Variants in LCLAT1 observed in about 807,000 individuals in gnomAD.
LCLAT1 encodes lysocardiolipin acyltransferase 1.
LCLAT1 carries 11 observed loss-of-function variants against 30.7 expected under a neutral mutation model. The ratio of observed to expected loss-of-function variants is 0.36; its 90% CI spans 0.23 to 0.59. The LOEUF is 0.59. LCLAT1 is among the 20% of genes least tolerant of loss of function. The pLI, the probability that LCLAT1 is intolerant of heterozygous loss-of-function variation, is 0.77. For missense variants in LCLAT1, 402 were observed against 458.6 expected, an observed-to-expected ratio of 0.88 and a Z score of 1.13; for synonymous variants, 155 against 151.3, an observed-to-expected ratio of 1.02 and a Z score of -0.18.
intron 1 of LCLAT1, among the ~76,000 whole-genome samples, chr2:30,468,131 G>A (rs1386863160): frequency 6.6e-6 from 1 of 152,218 alleles, no homozygotes; most frequent in African/African-American, 2.4e-5. Flanking sequence ...GTGTAAGGAA[G>A]AGATCCAGTT....
chr2:30,526,171 G>T (rs963706390), intron 2 of LCLAT1, among the ~76,000 whole-genome samples: 6 of 151,476 alleles, frequency 4.0e-5, no homozygotes, highest in African/African-American at 1.5e-4. Context: ...TTTTTTAACT[G>T]GGAAATTTTA....
chr2:30,525,153 G>A (rs934509346), intron 1 of LCLAT1, among the ~76,000 whole-genome samples: 1 of 151,998 alleles, frequency 6.6e-6, no homozygotes, highest in Non-Finnish European at 1.5e-5. Flanking sequence ...CGTCCCAGCT[G>A]GAGTGCAGTG....
At chr2:30,563,870 A>G (rs993503755) in intron 4 of LCLAT1, among the ~76,000 whole-genome samples, 1 of 152,216 alleles carries the variant, frequency 6.6e-6, no homozygotes, top group Non-Finnish European at 1.5e-5. Context: ...AGGATTTACT[A>G]TAGGTAGCAA....
At chr2:30,516,461 G>T (rs569367346) in intron 1 of LCLAT1, among the ~76,000 whole-genome samples, 1 of 152,300 alleles carries the variant, frequency 6.6e-6, no homozygotes, top group South Asian at 2.1e-4. Flanking sequence ...GCTTGCCATT[G>T]TTTCTGCGCG....
chr2:30,580,580 C>T (rs933009181), intron 5 of LCLAT1, among the ~76,000 whole-genome samples: 1 of 151,932 alleles, frequency 6.6e-6, no homozygotes, highest in Non-Finnish European at 1.5e-5. Flanking sequence ...GGGGTGTAGA[C>T]AACAGAAAGG....
intron 2 of LCLAT1, among the ~76,000 whole-genome samples, chr2:30,528,613 G>A (rs1203583006): frequency 6.6e-6 from 1 of 152,144 alleles, no homozygotes; most frequent in Non-Finnish European, 1.5e-5. Flanking sequence ...GAGAAGATTG[G>A]CTGAGCTGGA....
At position 30,566,685 on chromosome 2, in the gene LCLAT1, G is replaced by A. The variant is rs76722960; in HGVS notation, c.512-1375G>A. Among the ~76,000 whole-genome samples the A allele has an allele frequency of 7.1e-3, 1,079 of 152,282 alleles. 10 individuals carry two copies. The highest frequency in any genetic ancestry group is 0.012 in the Non-Finnish European group (793 of 68,018). Reference sequence around the variant, plus strand: ...CAATTTCGGAATGCAGCTGAGGATTGCGGGTTCTAACATCTGCTGTCATCA... The same window carrying A: ...CAATTTCGGAATGCAGCTGAGGATTACGGGTTCTAACATCTGCTGTCATCA... On this transcript the variant is annotated intron_variant, in intron 4 of 5. Transcript: ENST00000379509.
intron 1 of LCLAT1, among the ~76,000 whole-genome samples, chr2:30,456,310 C>A (rs1475109263): frequency 1.3e-5 from 2 of 152,162 alleles, no homozygotes; most frequent in African/African-American, 2.4e-5. Flanking sequence ...TCTGATACCA[C>A]GCCAGTGGGG....
intron 5 of LCLAT1, among the ~76,000 whole-genome samples, chr2:30,588,431 A>G (rs1666537770): frequency 6.6e-6 from 1 of 152,148 alleles, no homozygotes; most frequent in South Asian, 2.1e-4. Flanking sequence ...TCATTCATGC[A>G]CATACATGGG....
Position 30,642,818 on chromosome 2 carries a change from TACAG to T in LCLAT1, c.*2203_*2206del, listed in dbSNP as rs1394855207. 8.3e-6 allele frequency: 1 copy of T among 119,948 alleles called. No individual in the cohort carries two copies. The highest frequency in any genetic ancestry group is 1.7e-5 in the Non-Finnish European group (1 of 57,730). The allele number at this position is 119,948 out of a possible 1,614,324, so 7.4% of individuals were successfully genotyped here. On this transcript the variant is annotated 3_prime_UTR_variant, in exon 6 of 6. Transcript: ENST00000379509. Reference sequence around the variant, plus strand: ...GCTGTATAGCACTAAAACTTAGAGATACAGACACTGTACTTACTTTTTAAGAATT... The same window carrying T: ...GCTGTATAGCACTAAAACTTAGAGATACACTGTACTTACTTTTTAAGAATT...
rs541801931 is a variant in LCLAT1 at position 30,634,499 on chromosome 2, G to A, written c.629-5618G>A. Among the ~76,000 whole-genome samples, 30 of 152,196 alleles carry A rather than the reference G, an allele frequency of 2.0e-4. No homozygotes were observed. The East Asian group carries it at 3.3e-3, about 17-fold the overall frequency. On this transcript the variant is annotated intron_variant, in intron 5 of 5. Transcript: ENST00000379509. ...AAATTAGCTGGGCGTGGTGGTGTGC[G>A]TCTGTAGTCCCAGCTACTCGGGAGG... is the stretch of plus-strand genomic sequence containing the variant.
chr2:30,541,955 A>T (rs1429490229), intron 3 of LCLAT1, among the ~76,000 whole-genome samples: 1 of 151,980 alleles, frequency 6.6e-6, no homozygotes, highest in Non-Finnish European at 1.5e-5. Flanking sequence ...TTCAATTTTC[A>T]TTTCTCTTAA....
Position 30,640,593 on chromosome 2 carries a change from C to T in LCLAT1, c.1105C>T (p.His369Tyr), listed in dbSNP as rs1022803130. Residue 369 changes from histidine to tyrosine, a missense_variant, in exon 6 of 6, where the codon CAT becomes TAT. Physicochemically the swap from His to Tyr is moderately conservative, Grantham distance 83. Coordinates refer to ENST00000379509, the MANE Select transcript of LCLAT1 (RefSeq NM_001002257.3). ...TTACCGACTTTTACACAAACAGCCA[C>T]ATTTAAATTCAAAGAAAAATGAGTA... is the stretch of plus-strand genomic sequence containing the variant. ...ACYRLLHKQP[H>Y]LNSKKNE The T allele has an allele frequency of 6.2e-7, 1 of 1,604,756 alleles. No individual in the cohort carries two copies. Among genetic ancestry groups the T allele is most frequent in the Non-Finnish European group, 8.5e-7 (1 of 1,176,632 alleles).
intron 1 of LCLAT1, among the ~76,000 whole-genome samples, chr2:30,460,752 T>G (rs1171650161): frequency 6.6e-6 from 1 of 152,142 alleles, no homozygotes; most frequent in Non-Finnish European, 1.5e-5. Context: ...CAGAGAGACC[T>G]TGGAACTTTT....
chr2:30,499,225 G>A (rs182930759), intron 1 of LCLAT1, among the ~76,000 whole-genome samples: 2 of 152,268 alleles, frequency 1.3e-5, no homozygotes, highest in East Asian at 3.9e-4. Flanking sequence ...TATCGCCCAG[G>A]CTGGAGTGAA....
At chr2:30,559,250 G>T (rs1296332798) in intron 3 of LCLAT1, among the ~76,000 whole-genome samples, 1 of 152,162 alleles carries the variant, frequency 6.6e-6, no homozygotes, top group African/African-American at 2.4e-5. Context: ...CAATATCTTA[G>T]TTGGGTGATA....
intron 1 of LCLAT1, among the ~76,000 whole-genome samples, chr2:30,453,939 CAG>C (rs1450431753): frequency 6.6e-6 from 1 of 152,174 alleles, no homozygotes; most frequent in Non-Finnish European, 1.5e-5. Flanking sequence ...TATGAGGAAA[CAG>C]AAGCCCAAAG....
At chr2:30,492,079 A>G (rs1274686471) in intron 1 of LCLAT1, among the ~76,000 whole-genome samples, 1 of 152,198 alleles carries the variant, frequency 6.6e-6, no homozygotes, top group Non-Finnish European at 1.5e-5. Context: ...ATCTTATTTA[A>G]CTTGTAGCCT....
chr2:30,601,072 A>C (rs191454273), intron 5 of LCLAT1, among the ~76,000 whole-genome samples: 15 of 152,206 alleles, frequency 9.9e-5, no homozygotes, highest in African/African-American at 3.6e-4. Context: ...CGTTTGATCT[A>C]TTCAGTTATT....
Sources: allele counts gnomAD v4.1 joint callset (sites outside exome capture counted in the v4.1 genomes callset), GRCh38; gene constraint gnomAD v4.1.1; transcripts MANE v1.5; gene names NCBI Gene and HGNC (gene_info 2026-07-23, HGNC 2026-07-21).